The following ACSL5 variants were observed in gnomAD, a reference collection of about 807,000 sequenced individuals.
ACSL5 encodes the protein acyl-CoA synthetase long chain family member 5.
Under a neutral mutation model 84.9 loss-of-function variants are expected in ACSL5, and 50 were observed. That is an observed-to-expected ratio of 0.59 (90% CI 0.47 to 0.75). The LOEUF (loss-of-function observed/expected upper bound fraction) is 0.75. Among genes scored for constraint, ACSL5 ranks in the 30% least tolerant of loss-of-function variants. The pLI, the probability that ACSL5 is intolerant of heterozygous loss-of-function variation, is 0.00. For synonymous variants in ACSL5, 280 were observed against 300.7 expected, an observed-to-expected ratio of 0.93 and a Z score of 0.71; for missense variants, 775 against 830.4, an observed-to-expected ratio of 0.93 and a Z score of 0.82.
intron 13 of ACSL5, 89 bp downstream of exon 13, chr10:112,417,111 C>T (rs527975375): frequency 3.8e-5 from 54 of 1,429,974 alleles, no homozygotes; most frequent in African/African-American, 2.0e-4. Context: ...GCTGCTTGAG[C>T]GTCACTTTAA....
intron 1 of ACSL5, among the ~76,000 whole-genome samples, chr10:112,386,042 G>A (rs1043913102): frequency 2.1e-4 from 32 of 152,082 alleles, no homozygotes; most frequent in South Asian, 1.0e-3. Context: ...GTCTCAGTAC[G>A]TTTATTTTAA....
At position 112,413,205 on chromosome 10, in the gene ACSL5, A is replaced by C. The variant is rs1464758894; in HGVS notation, c.981A>C (p.Gly327=). The C allele has an allele frequency of 6.2e-7, 1 of 1,614,168 alleles. No individual in the cohort carries two copies. The highest frequency in any genetic ancestry group is 2.2e-5 in the East Asian group (1 of 44,886). The stretch of plus-strand genomic sequence containing the variant: ...TGTACAGCTGTGGAGCCAGAGTTGG[A>C]TTCTTCCAAGGGGATATTCGGTTGC... ...AVVYSCGARV[G]FFQGDIRLLA... is the part of the protein sequence containing the mutation. The change falls in exon 12 of 21, where the codon GGA becomes GGC. Residue 327 remains glycine (G), a synonymous_variant. Coordinates refer to ENST00000354655, the MANE Select transcript of ACSL5 (RefSeq NM_203379.2).
chr10:112,409,433 C>T lies in ACSL5; in HGVS notation c.533-74C>T, dbSNP rs767845832. 2.1e-4 allele frequency: 310 copies of T among 1,444,650 alleles called. 1 individual carries two copies. Among genetic ancestry groups the T allele is most frequent in the Middle Eastern group, 7.5e-4 (3 of 4,014 alleles). The allele number at this position is 1,444,650 out of a possible 1,614,324, so 89.5% of individuals were successfully genotyped here. A position where few individuals can be genotyped will look rare whatever the true frequency, so the allele number is the denominator to read the frequency against. ...TGTTAGCTTTGAAAACTTTTAAAAC[C>T]TCTTCCTTCTTGCAAGGCAATCAGG... On this transcript the variant is annotated intron_variant, in intron 6 of 20. Coordinates refer to ENST00000354655, the MANE Select transcript of ACSL5 (RefSeq NM_203379.2).
chr10:112,399,092 A>T, intron 3 of ACSL5, 83 bp downstream of exon 3: 3 of 1,164,686 alleles, frequency 2.6e-6, no homozygotes, highest in Non-Finnish European at 3.8e-6. Context: ...CACTTCTAAA[A>T]CCCCAGCTAT....
chr10:112,384,270 G>C (rs569683651), intron 1 of ACSL5, among the ~76,000 whole-genome samples: 2 of 151,220 alleles, frequency 1.3e-5, no homozygotes, highest in Non-Finnish European at 2.9e-5. Flanking sequence ...TTGTTGTTCC[G>C]TAGTCCTAAG....
At chr10:112,392,102 C>T (rs1412407838) in intron 1 of ACSL5, among the ~76,000 whole-genome samples, 1 of 152,150 alleles carries the variant, frequency 6.6e-6, no homozygotes, top group African/African-American at 2.4e-5. Flanking sequence ...TTTCCATAGT[C>T]GAACAGGAGG....
chr10:112,416,458 G>T (rs955358731), intron 12 of ACSL5, among the ~76,000 whole-genome samples: 2 of 121,332 alleles, frequency 1.6e-5, no homozygotes, highest in Non-Finnish European at 3.2e-5. Context: ...GCGACAGAGC[G>T]AGACTCTGTC....
chr10:112,423,261 AT>A (rs1472998294), intron 17 of ACSL5, among the ~76,000 whole-genome samples: 1 of 111,524 alleles, frequency 9.0e-6, no homozygotes, highest in African/African-American at 3.3e-5. Flanking sequence ...AAGTCATGAG[AT>A]TTGTGTTCTG....
At chr10:112,376,197 T>G in intron 1 of ACSL5, 1 of 1,402,838 alleles carries the variant, frequency 7.1e-7, no homozygotes, top group Non-Finnish European at 9.6e-7. Flanking sequence ...AAAAAAAAAA[T>G]TAAAACCAGG....
intron 5 of ACSL5, among the ~76,000 whole-genome samples, chr10:112,405,221 A>G (rs960321797): frequency 1.3e-5 from 2 of 152,216 alleles, no homozygotes; most frequent in African/African-American, 4.8e-5. Context: ...GGCCATAGCT[A>G]TCTTTCCACA....
At chr10:112,380,627 G>A (rs1306405392) in intron 1 of ACSL5, among the ~76,000 whole-genome samples, 1 of 152,162 alleles carries the variant, frequency 6.6e-6, no homozygotes, top group Non-Finnish European at 1.5e-5. Flanking sequence ...CTAATGAGAT[G>A]ATTGGTCTCT....
intron 1 of ACSL5, among the ~76,000 whole-genome samples, chr10:112,376,892 G>A (rs1789856728): frequency 6.6e-6 from 1 of 151,934 alleles, no homozygotes; most frequent in Non-Finnish European, 1.5e-5. Flanking sequence ...TAAGTCTCAG[G>A]TGCTGCTTAA....
intron 16 of ACSL5, 50 bp downstream of exon 16, chr10:112,422,085 A>G (rs1239629239): frequency 6.3e-7 from 1 of 1,584,392 alleles, no homozygotes; most frequent in South Asian, 1.1e-5. Context: ...GGAGGTTTAT[A>G]TCAGAAAGAG....
intron 5 of ACSL5, among the ~76,000 whole-genome samples, chr10:112,407,546 G>A (rs781381127): frequency 1.3e-5 from 2 of 151,978 alleles, no homozygotes; most frequent in Admixed American, 6.6e-5. Context: ...GAATGGGTAC[G>A]CAGCTAAACC....
At chr10:112,391,756 G>A (rs1843647733) in intron 1 of ACSL5, among the ~76,000 whole-genome samples, 2 of 152,156 alleles carry the variant, frequency 1.3e-5, no homozygotes, top group African/African-American at 2.4e-5. Flanking sequence ...AGTTAAAATT[G>A]AGGTTTCAAA....
Position 112,417,060 on chromosome 10 carries a change from C to T in ACSL5, c.1218+38C>T, listed in dbSNP as rs763792925. ...GGTCCTGGACTGAAGCAGGCAAATA[C>T]CTGGGCTGCCTTCTGACTCCTTAGA... On this transcript the variant is annotated intron_variant, in intron 13 of 20. Transcript: ENST00000354655. 5.0e-6 allele frequency: 8 copies of T among 1,600,694 alleles called. No individual in the cohort carries two copies. The East Asian group carries it at 9.0e-5, about 18-fold the overall frequency.
At chr10:112,421,106 G>A (rs2133660208) in intron 14 of ACSL5, among the ~76,000 whole-genome samples, 1 of 152,270 alleles carries the variant, frequency 6.6e-6, no homozygotes, top group South Asian at 2.1e-4. Flanking sequence ...AGGCTTGGTA[G>A]TAAATACTTT....
At position 112,408,406 on chromosome 10, in the gene ACSL5, A is replaced by G; in HGVS notation, c.433-16A>G. On this transcript the variant is annotated splice_polypyrimidine_tract_variant and intron_variant, in intron 5 of 20. Coordinates refer to ENST00000354655, the MANE Select transcript of ACSL5 (RefSeq NM_203379.2). The stretch of plus-strand genomic sequence containing the variant: ...AGTGTGCCCTCCAGTCCTTACTTGA[A>G]CTTCTCTCTGTACAGTGGATCATCT... 6.4e-7 allele frequency: 1 copy of G among 1,563,808 alleles called. No individual in the cohort carries two copies.
At chr10:112,408,388 C>T (rs1844098836) in intron 5 of ACSL5, 34 bp from the exon 6 acceptor site, 1 of 1,338,268 alleles carries the variant, frequency 7.5e-7, no homozygotes, top group South Asian at 1.2e-5. Context: ...TTCAGTGTGC[C>T]CTCCAGTCCT....
Sources: allele counts gnomAD v4.1 joint callset (sites outside exome capture counted in the v4.1 genomes callset), GRCh38; gene constraint gnomAD v4.1.1; transcripts MANE v1.5; gene names NCBI Gene and HGNC (gene_info 2026-07-23, HGNC 2026-07-21).